Variants in NUBPL observed in about 807,000 individuals in gnomAD.
NUBPL encodes the protein iron-sulfur cluster transfer protein NUBPL.
Under a neutral mutation model 45.7 loss-of-function variants are expected in NUBPL, and 31 were observed. That is an observed-to-expected ratio of 0.68 (90% confidence interval 0.51 to 0.92). The LOEUF (loss-of-function observed/expected upper bound fraction) is 0.92, where lower values mean the gene tolerates loss of function less well. Ranked by LOEUF, NUBPL falls within the 40% of genes least tolerant of loss-of-function variation. The pLI is 0.00. For synonymous variants in NUBPL, 144 were observed against 140.9 expected (o/e 1.02, Z -0.15); for missense variants, 401 against 398.7 (o/e 1.01, Z -0.05).
intron 3 of NUBPL, among the ~76,000 whole-genome samples, chr14:31,583,488 A>C (rs2033917161): frequency 6.6e-6 from 1 of 152,188 alleles, no homozygotes; most frequent in African/African-American, 2.4e-5. Flanking sequence ...TGCCACAAAG[A>C]AGTCCTGTCC....
chr14:31,717,843 C>G (rs1184329631), intron 6 of NUBPL, among the ~76,000 whole-genome samples: 1 of 152,024 alleles, frequency 6.6e-6, no homozygotes, highest in African/African-American at 2.4e-5. Context: ...GTTCTGACAT[C>G]TCTTCTCTTG....
chr14:31,607,273 C>G (rs1236529393), intron 4 of NUBPL, among the ~76,000 whole-genome samples: 3 of 151,842 alleles, frequency 2.0e-5, no homozygotes, highest in Non-Finnish European at 4.4e-5. Context: ...GTCCCAGCTA[C>G]TCGGGAGGCT....
At chr14:31,668,130 AT>A (rs1231408347) in intron 4 of NUBPL, among the ~76,000 whole-genome samples, 1 of 152,212 alleles carries the variant, frequency 6.6e-6, no homozygotes, top group Non-Finnish European at 1.5e-5. Flanking sequence ...GCAGGCAGGA[AT>A]GTTTAAGTCA....
At chr14:31,853,827 C>T (rs1347458136) in intron 10 of NUBPL, among the ~76,000 whole-genome samples, 4 of 152,148 alleles carry the variant, frequency 2.6e-5, no homozygotes, top group South Asian at 4.1e-4. Context: ...GGTGAGAAGG[C>T]GATATTTAGA....
At chr14:31,704,555 C>T (rs147484336) in intron 6 of NUBPL, among the ~76,000 whole-genome samples, 5,696 of 151,996 alleles carry the variant, frequency 0.037, 249 homozygotes, top group African/African-American at 0.11. Context: ...CCCAGCTACT[C>T]AGGAGGCTGA....
chr14:31,841,925 T>TTGTTTTTG lies in NUBPL; in HGVS notation c.694-4545_694-4544insGTTTTTGT, dbSNP rs1471217796. 7.4e-3 allele frequency among the ~76,000 whole-genome samples: 846 copies of TTGTTTTTG among 113,930 alleles called. 59 individuals carry two copies. Among genetic ancestry groups the TTGTTTTTG allele is most frequent in the Non-Finnish European group, 0.012 (668 of 55,236 alleles). The allele number at this position is 113,930 out of a possible 152,430, so 74.7% of individuals were successfully genotyped here. On this transcript the variant is annotated intron_variant, in intron 8 of 10. Coordinates refer to ENST00000281081, the MANE Select transcript of NUBPL (RefSeq NM_025152.3). The stretch of plus-strand genomic sequence containing the variant: ...TATGGGTCGATTCTGGGCTTTTTTT[T>TTGTTTTTG]TTTTTTTTTTTTTTTTTTTTTTTGA...
rs116517714 is a variant in NUBPL, at chr14:31,803,747, G to T, written c.607+15874G>T. On this transcript the variant is annotated intron_variant, in intron 7 of 10. Transcript: ENST00000281081. ...ATTCTTTCTGAAATAAATTGGTTTT[G>T]TTGTTACACAAATTGTAACCAACTA... Among the ~76,000 whole-genome samples, 1,426 of 152,204 alleles carry T rather than the reference G, an allele frequency of 9.4e-3. 21 individuals are homozygous for T. The highest frequency in any genetic ancestry group is 0.033 in the African/African-American group (1,360 of 41,542).
intron 6 of NUBPL, among the ~76,000 whole-genome samples, chr14:31,725,624 C>T (rs923449870): frequency 2.0e-5 from 3 of 151,130 alleles, no homozygotes; most frequent in African/African-American, 4.9e-5. Context: ...CACCCCATCA[C>T]ATGAAGTCAG....
At chr14:31,730,061 G>A (rs117411668) in intron 6 of NUBPL, among the ~76,000 whole-genome samples, 2,345 of 152,198 alleles carry the variant, frequency 0.015, 27 homozygotes, top group Non-Finnish European at 0.025. Context: ...ATTAGAAAAA[G>A]TAAGGTTCTG....
At chr14:31,765,536 A>G (rs1434265996) in intron 6 of NUBPL, among the ~76,000 whole-genome samples, 1 of 152,170 alleles carries the variant, frequency 6.6e-6, no homozygotes, top group Non-Finnish European at 1.5e-5. Flanking sequence ...CCCCAGGCCC[A>G]CATGGCCACC....
intron 3 of NUBPL, among the ~76,000 whole-genome samples, chr14:31,572,562 G>T (rs1218816564): frequency 6.6e-6 from 1 of 152,182 alleles, no homozygotes; most frequent in Non-Finnish European, 1.5e-5. Flanking sequence ...GATTGTACAG[G>T]CAGATTTGAA....
At chr14:31,639,966 C>A (rs1484223894) in intron 4 of NUBPL, among the ~76,000 whole-genome samples, 1 of 152,114 alleles carries the variant, frequency 6.6e-6, no homozygotes, top group African/African-American at 2.4e-5. Context: ...GGGAGTGACC[C>A]GATTTTCCAG....
intron 6 of NUBPL, among the ~76,000 whole-genome samples, chr14:31,724,712 G>T: frequency 6.6e-6 from 1 of 152,186 alleles, no homozygotes; most frequent in East Asian, 1.9e-4. Context: ...TGCTAGGGCT[G>T]GAGATACAGT....
chr14:31,608,150 C>G (rs2034652585), intron 4 of NUBPL, among the ~76,000 whole-genome samples: 1 of 152,164 alleles, frequency 6.6e-6, no homozygotes, highest in Non-Finnish European at 1.5e-5. Flanking sequence ...TGAAAATATC[C>G]TTCAAGCATC....
At chr14:31,792,098 C>G (rs538740122) in intron 7 of NUBPL, among the ~76,000 whole-genome samples, 1 of 152,128 alleles carries the variant, frequency 6.6e-6, no homozygotes, top group Non-Finnish European at 1.5e-5. Context: ...GAGTTTAAAG[C>G]TTATGCTGTT....
intron 4 of NUBPL, among the ~76,000 whole-genome samples, chr14:31,632,552 G>C (rs1311866172): frequency 6.6e-6 from 1 of 152,122 alleles, no homozygotes; most frequent in African/African-American, 2.4e-5. Context: ...TTAGAAACAG[G>C]TGTTTCAAGA....
chr14:31,633,410 T>A (rs575795867), intron 4 of NUBPL, among the ~76,000 whole-genome samples: 1 of 152,312 alleles, frequency 6.6e-6, no homozygotes, highest in Admixed American at 6.5e-5. Flanking sequence ...TTAGTCGTAG[T>A]TTTATAACAT....
chr14:31,688,996 C>A (rs2037030967), intron 6 of NUBPL, among the ~76,000 whole-genome samples: 1 of 151,092 alleles, frequency 6.6e-6, no homozygotes, highest in East Asian at 1.9e-4. Flanking sequence ...GACCTGATCT[C>A]ATTTTTTTTT....
At chr14:31,656,974 G>T (rs746863473) in intron 4 of NUBPL, among the ~76,000 whole-genome samples, 37 of 152,178 alleles carry the variant, frequency 2.4e-4, no homozygotes, top group Admixed American at 4.6e-4. Context: ...TGAGGAGAAA[G>T]AATTGTCTTA....
Sources: allele counts gnomAD v4.1 joint callset (sites outside exome capture counted in the v4.1 genomes callset), GRCh38; gene constraint gnomAD v4.1.1; transcripts MANE v1.5; gene names NCBI Gene and HGNC (gene_info 2026-07-23, HGNC 2026-07-21).